The following PCLO variants were observed in gnomAD, a reference collection of about 807,000 sequenced individuals.
PCLO encodes the protein protein piccolo.
Under a neutral mutation model 427.5 loss-of-function variants are expected in PCLO, and 82 were observed. The ratio of observed to expected loss-of-function variants is 0.19; its 90% confidence interval spans 0.16 to 0.23. The LOEUF is 0.23. PCLO is among the 10% of genes least tolerant of loss of function. The probability of loss-of-function intolerance (pLI) is 1.00; values close to 1 mark genes in which losing one functional copy is unlikely to be tolerated. For synonymous variants in PCLO, 2,357 were observed against 2,155.4 expected, an observed-to-expected ratio of 1.09 and a Z score of -2.59; for missense variants, 6,239 against 6,115.9, an observed-to-expected ratio of 1.02 and a Z score of -0.67.
chr7:83,028,899 A>C (rs1343935601), intron 3 of PCLO, among the ~76,000 whole-genome samples: 2 of 152,030 alleles, frequency 1.3e-5, no homozygotes, highest in African/African-American at 4.8e-5. Context: ...AAAACTGGCT[A>C]GCCATATGTA....
intron 16 of PCLO, among the ~76,000 whole-genome samples, chr7:82,834,415 A>G (rs1288925249): frequency 6.6e-6 from 1 of 152,210 alleles, no homozygotes; most frequent in Non-Finnish European, 1.5e-5. Context: ...AAGGAAACAA[A>G]AAGTTTCTGG....
intron 18 of PCLO, among the ~76,000 whole-genome samples, chr7:82,825,746 GTA>G (rs1490092502): frequency 2.3e-5 from 3 of 131,064 alleles, no homozygotes; most frequent in African/African-American, 5.1e-5. Context: ...ATTATACATT[GTA>G]TATAGACATA....
chr7:82,778,993 T>G (rs773019712), intron 22 of PCLO, among the ~76,000 whole-genome samples: 19 of 152,172 alleles, frequency 1.2e-4, no homozygotes, highest in Non-Finnish European at 2.5e-4. Flanking sequence ...TTATTTTTGT[T>G]ATTTAATTGA....
intron 10 of PCLO, among the ~76,000 whole-genome samples, chr7:82,854,263 A>T (rs2115865222): frequency 6.6e-6 from 1 of 152,164 alleles, no homozygotes; most frequent in South Asian, 2.1e-4. Flanking sequence ...TGGATTGGTT[A>T]ACTCTGCATG....
At chr7:83,061,535 T>A (rs1285751273) in intron 3 of PCLO, among the ~76,000 whole-genome samples, 2 of 152,184 alleles carry the variant, frequency 1.3e-5, no homozygotes, top group Admixed American at 1.3e-4. Context: ...AGGGAAAAGA[T>A]TACAAAAGGC....
At chr7:83,020,241 T>C (rs865828137) in intron 3 of PCLO, among the ~76,000 whole-genome samples, 13 of 152,156 alleles carry the variant, frequency 8.5e-5, no homozygotes, top group South Asian at 2.1e-4. Context: ...AAAACTAGTT[T>C]TGTGTTGTTG....
chr7:82,804,492 T>C (rs1791419879), intron 21 of PCLO, among the ~76,000 whole-genome samples: 1 of 152,200 alleles, frequency 6.6e-6, no homozygotes, highest in Non-Finnish European at 1.5e-5. Flanking sequence ...TAAGAACCTT[T>C]ATTTTAAAAC....
At chr7:82,991,958 T>C (rs959979153) in intron 3 of PCLO, among the ~76,000 whole-genome samples, 1 of 152,126 alleles carries the variant, frequency 6.6e-6, no homozygotes, top group Admixed American at 6.6e-5. Flanking sequence ...AATCTATTAG[T>C]GGCTCAAGAG....
At chr7:82,853,247 CAATATACAA>C (rs1792711668) in intron 10 of PCLO, among the ~76,000 whole-genome samples, 1 of 151,974 alleles carries the variant, frequency 6.6e-6, no homozygotes, top group Non-Finnish European at 1.5e-5. Flanking sequence ...AATAGAGCTT[CAATATACAA>C]AATATATAAA....
At chr7:82,892,209 G>A (rs1402850795) in intron 9 of PCLO, among the ~76,000 whole-genome samples, 2 of 152,050 alleles carry the variant, frequency 1.3e-5, no homozygotes, top group African/African-American at 4.8e-5. Context: ...AAACAACATG[G>A]TACTGGTACC....
chr7:82,815,200 C>G (rs1791652889), intron 20 of PCLO, among the ~76,000 whole-genome samples: 1 of 151,736 alleles, frequency 6.6e-6, no homozygotes, highest in Non-Finnish European at 1.5e-5. Flanking sequence ...TAAAAACGAA[C>G]AAAACAAGAA....
At chr7:82,870,286 T>C (rs1201898570) in intron 10 of PCLO, among the ~76,000 whole-genome samples, 1 of 151,886 alleles carries the variant, frequency 6.6e-6, no homozygotes, top group Non-Finnish European at 1.5e-5. Context: ...AATAAGTACA[T>C]GCATTTACAG....
chr7:83,112,922 C>T (rs527683340), intron 3 of PCLO, among the ~76,000 whole-genome samples: 1 of 152,232 alleles, frequency 6.6e-6, no homozygotes, highest in Admixed American at 6.5e-5. Flanking sequence ...TCCATTTGTC[C>T]TCTAACATCA....
At chr7:82,839,630 C>G (rs960879307) in intron 14 of PCLO, among the ~76,000 whole-genome samples, 1 of 152,102 alleles carries the variant, frequency 6.6e-6, no homozygotes, top group Non-Finnish European at 1.5e-5. Context: ...TCCCCATTCT[C>G]TCCTTTCTCT....
chr7:83,059,372 A>ATC (rs1269767345), intron 3 of PCLO, among the ~76,000 whole-genome samples: 1 of 118,062 alleles, frequency 8.5e-6, no homozygotes, highest in Non-Finnish European at 1.6e-5. Context: ...ATATATATAT[A>ATC]TATATATAAA....
intron 6 of PCLO, among the ~76,000 whole-genome samples, chr7:82,940,665 T>C (rs1249946693): frequency 7.0e-6 from 1 of 143,132 alleles, no homozygotes; most frequent in African/African-American, 2.6e-5. Context: ...TTATTTGCCA[T>C]TTTATAAAAT....
At chr7:82,972,353 T>C (rs1795925644) in intron 3 of PCLO, among the ~76,000 whole-genome samples, 1 of 152,072 alleles carries the variant, frequency 6.6e-6, no homozygotes, top group Non-Finnish European at 1.5e-5. Flanking sequence ...TTGCTTTATA[T>C]AACATTTCAG....
intron 3 of PCLO, among the ~76,000 whole-genome samples, chr7:82,997,930 A>C (rs926936396): frequency 6.6e-6 from 1 of 152,010 alleles, no homozygotes; most frequent in African/African-American, 2.4e-5. Context: ...CCATGTAAGG[A>C]GCGTGGAAGT....
At position 82,760,757 on chromosome 7, in the gene PCLO, T is replaced by C; in HGVS notation, c.15170A>G (p.Asn5057Ser). 1 of 1,494,878 alleles carries C rather than the reference T, an allele frequency of 6.7e-7. No individual in the cohort carries two copies. Among genetic ancestry groups the C allele is most frequent in the South Asian group, 1.2e-5 (1 of 86,398 alleles). The allele number at this position is 1,494,878 out of a possible 1,614,324, so 92.6% of individuals were successfully genotyped here. Residue 5057 changes from asparagine (N) to serine (S), a missense_variant, in exon 24 of 25, where the codon AAT (asparagine) becomes AGT (serine). Physicochemically the swap from Asn to Ser is conservative, Grantham distance 46. Coordinates refer to ENST00000333891, the MANE Select transcript of PCLO (RefSeq NM_033026.6). ...GATCACCTTTTTTTGGGTAGAAATA[T>C]TCATCACATATATTTTCACATATAA... is the stretch of plus-strand genomic sequence containing the variant. ...PDLYVKIYVMNISTQKKVIKK... is the reference protein window; with the variant it reads ...PDLYVKIYVMSISTQKKVIKK...
Sources: allele counts gnomAD v4.1 joint callset (sites outside exome capture counted in the v4.1 genomes callset), GRCh38; gene constraint gnomAD v4.1.1; transcripts MANE v1.5; gene names NCBI Gene and HGNC (gene_info 2026-07-23, HGNC 2026-07-21).